CYP27A1: variants seen among roughly 807,000 people sequenced by gnomAD.
CYP27A1 encodes the protein sterol 26-hydroxylase, mitochondrial.
In CYP27A1, 46 loss-of-function variants were observed where a neutral mutation model predicts 58.2. The ratio of observed to expected loss-of-function variants is 0.79; its 90% confidence interval spans 0.62 to 1.01. CYP27A1 has a LOEUF of 1.01. Among genes scored for constraint, CYP27A1 ranks in the 50% least tolerant of loss-of-function variants. CYP27A1 has a pLI of 0.00. For missense variants in CYP27A1, 704 were observed against 687.0 expected (o/e 1.02, Z -0.28); for synonymous variants, 274 against 285.1 (o/e 0.96, Z 0.39).
chr2:218,813,394 G>C (rs1276296926), intron 5 of CYP27A1, among the ~76,000 whole-genome samples: 1 of 152,136 alleles, frequency 6.6e-6, no homozygotes, highest in Non-Finnish European at 1.5e-5. Context: ...TTTGAATGGA[G>C]AGTTGGAAGA....
Position 218,815,218 on chromosome 2 carries a change from C to A in CYP27A1, c.*188C>A. 1 of 638,320 alleles carries A rather than the reference C, an allele frequency of 1.6e-6. No individual in the cohort carries two copies. The highest frequency in any genetic ancestry group is 2.8e-6 in the Non-Finnish European group (1 of 361,348). 39.5% of individuals were successfully genotyped at this position (638,320 alleles called of 1,614,324 possible). A position where few individuals can be genotyped will look rare whatever the true frequency, so the allele number is the denominator to read the frequency against. On this transcript the variant is annotated 3_prime_UTR_variant, in exon 9 of 9. Transcript: ENST00000258415. ...TCATTTTTGAGCAACTCCCTCTCAG[C>A]TAAAAGGCCACCCCTTTATCGCATT... is the stretch of plus-strand genomic sequence containing the variant.
chr2:218,793,031 A>G (rs567187271), intron 1 of CYP27A1, among the ~76,000 whole-genome samples: 1 of 152,338 alleles, frequency 6.6e-6, no homozygotes, highest in East Asian at 1.9e-4. Flanking sequence ...CCATAAAACA[A>G]TAGTCATTCA....
At chr2:218,812,160 A>G (rs1204843381) in intron 2 of CYP27A1, 62 bp from the exon 3 acceptor site, 1 of 1,293,404 alleles carries the variant, frequency 7.7e-7, no homozygotes, top group Non-Finnish European at 1.1e-6. Context: ...GGGTGAGAAG[A>G]TCTCCCTTAA....
chr2:218,797,246 C>A (rs561329145), intron 1 of CYP27A1, among the ~76,000 whole-genome samples: 1 of 152,040 alleles, frequency 6.6e-6, no homozygotes, highest in Non-Finnish European at 1.5e-5. Context: ...ATTACAGGCG[C>A]CCACCACCAC....
At position 218,782,239 on chromosome 2, in the gene CYP27A1, C is replaced by A. The variant is rs778193906; in HGVS notation, c.57C>A (p.Gly19=). 3.9e-6 allele frequency: 6 copies of A among 1,547,050 alleles called. No homozygotes were observed. In the African/African-American group the frequency reaches 8.2e-5, roughly 21 times the overall value. Residue 19 remains glycine (G), a synonymous_variant, in exon 1 of 9, where the codon GGC becomes GGA. Transcript: ENST00000258415. The surrounding 1 kb of genome is among the most constrained non-coding windows in gnomAD (Gnocchi z 4.1). ...GGGCGCTGCGAGGGGCCGGCCGTGG[C>A]CTCTGCCCCCACGGGGCCAGAGCCA... ...LRWALRGAGR[G]LCPHGARAKA...
chr2:218,813,950 T>G, intron 5 of CYP27A1, 71 bp from the exon 6 acceptor site: 1 of 1,563,320 alleles, frequency 6.4e-7, no homozygotes, highest in Non-Finnish European at 8.8e-7. Flanking sequence ...ATACACCCAC[T>G]CATACACCCT....
intron 1 of CYP27A1, among the ~76,000 whole-genome samples, chr2:218,783,267 A>AG (rs1259718270): frequency 6.6e-6 from 1 of 151,498 alleles, no homozygotes; most frequent in Non-Finnish European, 1.5e-5. Flanking sequence ...CAAAAAAAAA[A>AG]AAAAAAAAAG....
Position 218,813,224 on chromosome 2 carries a change from C to T in CYP27A1, c.1017+128C>T, listed in dbSNP as rs1943744122. ...TGCTTCTTTTTCTGTAACATGGATA[C>T]AGCCCTAGAAGGAAAATAGAGGGCT... On this transcript the variant is annotated intron_variant, in intron 5 of 8. Coordinates refer to ENST00000258415, the MANE Select transcript of CYP27A1 (RefSeq NM_000784.4). The T allele has an allele frequency of 2.8e-5, 24 of 867,626 alleles. No individual in the cohort carries two copies. The South Asian group carries it at 4.3e-4, about 16-fold the overall frequency. 53.7% of individuals were successfully genotyped at this position (867,626 alleles called of 1,614,324 possible).
intron 1 of CYP27A1, among the ~76,000 whole-genome samples, chr2:218,803,722 C>CT (rs71040407): frequency 0.031 from 1,804 of 57,782 alleles, 101 homozygotes; most frequent in African/African-American, 0.039. Context: ...GTGCCCCCGT[C>CT]TTTTTTTTTT....
intron 1 of CYP27A1, among the ~76,000 whole-genome samples, chr2:218,802,766 C>T (rs1224771814): frequency 3.3e-5 from 5 of 151,966 alleles, no homozygotes; most frequent in African/African-American, 4.8e-5. Context: ...TTAACAGTGG[C>T]TTTGGTTTGC....
At chr2:218,803,653 A>C (rs1400952020) in intron 1 of CYP27A1, among the ~76,000 whole-genome samples, 2 of 147,544 alleles carry the variant, frequency 1.4e-5, no homozygotes, top group South Asian at 2.2e-4. Flanking sequence ...CGATCTCTTG[A>C]CATCGTGATC....
At chr2:218,801,654 T>C (rs13032993) in intron 1 of CYP27A1, among the ~76,000 whole-genome samples, 65,547 of 151,994 alleles carry the variant, frequency 0.43, 14,929 homozygotes, top group Non-Finnish European at 0.51. Context: ...CTTCATGATA[T>C]ATATTCTGCA....
At chr2:218,785,166 C>T (rs944762460) in intron 1 of CYP27A1, among the ~76,000 whole-genome samples, 4 of 152,178 alleles carry the variant, frequency 2.6e-5, no homozygotes, top group African/African-American at 7.2e-5. Flanking sequence ...ATTAGATTCT[C>T]TTAAGGAGTG....
chr2:218,809,645 GGCCAGT>G lies in CYP27A1; in HGVS notation c.328_333del (p.Ser110_Ala111del). On this transcript the variant is annotated inframe_deletion, in exon 2 of 9. Transcript: ENST00000258415. Reference sequence around the variant, plus strand: ...TAGGGCCTCAGATGCACGTGAACCTGGCCAGTGCCCCGCTCTTGGAGCAAGTGATGC... The same window carrying G: ...TAGGGCCTCAGATGCACGTGAACCTGGCCCCGCTCTTGGAGCAAGTGATGC... 6.2e-7 allele frequency: 1 copy of G among 1,614,096 alleles called. No homozygotes were observed. The highest frequency in any genetic ancestry group is 1.1e-5 in the South Asian group (1 of 91,086).
At chr2:218,804,885 A>G (rs996053945) in intron 1 of CYP27A1, among the ~76,000 whole-genome samples, 6 of 152,370 alleles carry the variant, frequency 3.9e-5, no homozygotes, top group Admixed American at 2.0e-4. Flanking sequence ...TCTGTAGGCT[A>G]GAAGTGAGAG....
At chr2:218,790,109 G>C (rs1943477825) in intron 1 of CYP27A1, among the ~76,000 whole-genome samples, 1 of 152,078 alleles carries the variant, frequency 6.6e-6, no homozygotes, top group Non-Finnish European at 1.5e-5. Context: ...CTCCTCTTTT[G>C]GTCAGTTTCT....
intron 1 of CYP27A1, among the ~76,000 whole-genome samples, chr2:218,785,508 G>A (rs1943433168): frequency 6.6e-6 from 1 of 151,988 alleles, no homozygotes; most frequent in Non-Finnish European, 1.5e-5. Context: ...TCAAGGGTGA[G>A]AACTAAGGAT....
At position 218,815,202 on chromosome 2, in the gene CYP27A1, A is replaced by G. The variant is rs1484302953; in HGVS notation, c.*172A>G. On this transcript the variant is annotated 3_prime_UTR_variant, in exon 9 of 9. Coordinates refer to ENST00000258415, the MANE Select transcript of CYP27A1 (RefSeq NM_000784.4). ...GCTTTTGCCACTTCTATCATTTTTGAGCAACTCCCTCTCAGCTAAAAGGCC... is the reference window on the plus strand; with the variant it reads ...GCTTTTGCCACTTCTATCATTTTTGGGCAACTCCCTCTCAGCTAAAAGGCC... 2.8e-6 allele frequency: 2 copies of G among 705,508 alleles called. No homozygotes were observed. The highest frequency in any genetic ancestry group is 4.9e-6 in the Non-Finnish European group (2 of 411,976). The allele number at this position is 705,508 out of a possible 1,614,324, so 43.7% of individuals were successfully genotyped here. A position where few individuals can be genotyped will look rare whatever the true frequency, so the allele number is the denominator to read the frequency against.
chr2:218,795,412 T>C (rs1435516589), intron 1 of CYP27A1, among the ~76,000 whole-genome samples: 1 of 152,208 alleles, frequency 6.6e-6, no homozygotes, highest in Non-Finnish European at 1.5e-5. Flanking sequence ...GAGAAAGGGA[T>C]GTCTTGTGAC....
Sources: allele counts gnomAD v4.1 joint callset (sites outside exome capture counted in the v4.1 genomes callset), GRCh38; gene constraint gnomAD v4.1.1; non-coding constraint Gnocchi (gnomAD v3.1); transcripts MANE v1.5; gene names NCBI Gene and HGNC (gene_info 2026-07-23, HGNC 2026-07-21).